Variants in ABCD2 observed in about 807,000 individuals in gnomAD.
ABCD2 encodes the protein ATP binding cassette subfamily D member 2, also known as ATP-binding cassette sub-family D member 2.
ABCD2 carries 36 observed loss-of-function variants against 70.9 expected under a neutral mutation model. The ratio of observed to expected loss-of-function variants is 0.51; its 90% confidence interval spans 0.39 to 0.67. ABCD2 has a LOEUF of 0.67. Among genes scored for constraint, ABCD2 ranks in the 30% least tolerant of loss-of-function variants. The probability of loss-of-function intolerance (pLI) is 0.00; values close to 1 mark genes in which losing one functional copy is unlikely to be tolerated. For synonymous variants in ABCD2, 304 were observed against 306.9 expected (o/e 0.99, Z 0.10); for missense variants, 729 against 890.2 (o/e 0.82, Z 2.30).
intron 6 of ABCD2, among the ~76,000 whole-genome samples, chr12:39,588,636 G>A (rs561833531): frequency 1.3e-5 from 2 of 152,090 alleles, no homozygotes; most frequent in Non-Finnish European, 2.9e-5. Flanking sequence ...TGTTCAAACC[G>A]CCAAGTGTTT....
chr12:39,609,024 T>C (rs1027037787), intron 2 of ABCD2, among the ~76,000 whole-genome samples: 3 of 152,244 alleles, frequency 2.0e-5, no homozygotes, highest in Middle Eastern at 3.2e-3. Context: ...GTTAACACTT[T>C]ACTAAAGGTT....
chr12:39,568,885 A>G (rs1379946978), intron 9 of ABCD2, among the ~76,000 whole-genome samples: 1 of 152,176 alleles, frequency 6.6e-6, no homozygotes, highest in Non-Finnish European at 1.5e-5. Flanking sequence ...AGTTTGCTAG[A>G]GGTCCACTCC....
intron 9 of ABCD2, among the ~76,000 whole-genome samples, chr12:39,566,368 G>A (rs1303400518): frequency 6.6e-6 from 1 of 152,136 alleles, no homozygotes; most frequent in Non-Finnish European, 1.5e-5. Flanking sequence ...GAGGTTGTTT[G>A]TGTCGAGGAA....
chr12:39,614,975 T>C (rs1279395140), intron 2 of ABCD2, among the ~76,000 whole-genome samples: 2 of 152,082 alleles, frequency 1.3e-5, no homozygotes, highest in Non-Finnish European at 2.9e-5. Context: ...TTTGTTTCAC[T>C]TGCCTCAATG....
chr12:39,569,780 T>A (rs749356101), intron 9 of ABCD2, among the ~76,000 whole-genome samples: 1 of 152,206 alleles, frequency 6.6e-6, no homozygotes, highest in Non-Finnish European at 1.5e-5. Context: ...CTCCCCCAGA[T>A]AACATGTTCT....
chr12:39,549,939 G>C (rs942237566), downstream of ABCD2: 1 of 151,642 alleles, frequency 6.6e-6, no homozygotes, highest in African/African-American at 2.4e-5. Flanking sequence ...AATGATTTGT[G>C]CCTACTTGGT....
At chr12:39,545,290 C>T (rs1200958159), downstream of ABCD2, among the ~76,000 whole-genome samples, 1 of 152,142 alleles carries the variant, frequency 6.6e-6, no homozygotes, top group Admixed American at 6.5e-5. Flanking sequence ...CATGAGGAAT[C>T]TCAGGTAAGA....
At chr12:39,560,181 C>T (rs867946188) in intron 9 of ABCD2, among the ~76,000 whole-genome samples, 1 of 152,090 alleles carries the variant, frequency 6.6e-6, no homozygotes, top group Admixed American at 6.5e-5. Context: ...CCACAACAGG[C>T]CCCGGTGTGT....
chr12:39,558,618 C>T (rs1941205497), intron 9 of ABCD2, among the ~76,000 whole-genome samples: 2 of 152,090 alleles, frequency 1.3e-5, no homozygotes, highest in Admixed American at 6.5e-5. Flanking sequence ...TTTGTAGTTC[C>T]TCCTGAGTTC....
chr12:39,614,805 C>A lies in ABCD2; in HGVS notation c.1120+2183G>T, dbSNP rs530424024. Among the ~76,000 whole-genome samples the A allele has an allele frequency of 7.2e-5, 11 of 152,156 alleles. No homozygotes were observed. In the East Asian group the frequency reaches 2.1e-3, roughly 29 times the overall value. ...TTTAGTAAATACATACATATACCTGCAAACATTACAGGCACAGATAGTAAC... is the reference window on the plus strand; with the variant it reads ...TTTAGTAAATACATACATATACCTGAAAACATTACAGGCACAGATAGTAAC... On this transcript the variant is annotated intron_variant, in intron 2 of 9. Transcript: ENST00000308666.
chr12:39,563,729 A>T (rs530635977), intron 9 of ABCD2, among the ~76,000 whole-genome samples: 38 of 152,148 alleles, frequency 2.5e-4, no homozygotes, highest in Non-Finnish European at 4.9e-4. Context: ...GCACCCATTA[A>T]CTCATCATTT....
intron 9 of ABCD2, among the ~76,000 whole-genome samples, chr12:39,562,783 G>A (rs1023889635): frequency 6.6e-6 from 1 of 152,054 alleles, no homozygotes; most frequent in African/African-American, 2.4e-5. Flanking sequence ...AATTGAAGAG[G>A]AAGGAATACA....
chr12:39,583,995 A>G (rs1941632175), intron 7 of ABCD2, among the ~76,000 whole-genome samples: 1 of 152,100 alleles, frequency 6.6e-6, no homozygotes, highest in Admixed American at 6.5e-5. Flanking sequence ...ATTTGTGTGC[A>G]TATGTCTTTG....
intron 9 of ABCD2, among the ~76,000 whole-genome samples, chr12:39,567,282 C>G (rs571289334): frequency 1.7e-3 from 266 of 152,256 alleles, no homozygotes; most frequent in African/African-American, 5.7e-3. Flanking sequence ...CTTTCTAGGT[C>G]TCTGAGGACT....
chr12:39,548,285 T>C (rs1308003026), downstream of ABCD2, among the ~76,000 whole-genome samples: 4 of 152,050 alleles, frequency 2.6e-5, no homozygotes, highest in African/African-American at 9.7e-5. Flanking sequence ...GTTTGGCAGG[T>C]TAGGTATATT....
intron 6 of ABCD2, among the ~76,000 whole-genome samples, chr12:39,586,596 T>G (rs946201780): frequency 6.6e-6 from 1 of 152,188 alleles, no homozygotes; most frequent in African/African-American, 2.4e-5. Context: ...GGTCTTGATA[T>G]GTTTTCCCAG....
At chr12:39,537,470 T>G in the ABCD2 span, among the ~76,000 whole-genome samples, 4 of 152,392 alleles carry the variant, frequency 2.6e-5, no homozygotes, top group South Asian at 8.3e-4. Flanking sequence ...TAACTCATTT[T>G]AAATCTAGGA....
chr12:39,586,343 AACTT>A, intron 6 of ABCD2, 46 bp from the exon 7 acceptor site: 1 of 1,578,072 alleles, frequency 6.3e-7, no homozygotes, highest in Non-Finnish European at 8.6e-7. Flanking sequence ...AAGTCATGAT[AACTT>A]ACTCAGTGTG....
intron 6 of ABCD2, among the ~76,000 whole-genome samples, chr12:39,591,755 TATTGCTAAGCTGTTAAAAATGCA>T (rs1941749416): frequency 1.3e-5 from 2 of 152,248 alleles, no homozygotes; most frequent in East Asian, 3.9e-4. Flanking sequence ...AGAATTAAAG[TATTGCTAAGCTGTTAAAAATGCA>T]AATTTCTGTA....
Sources: allele counts gnomAD v4.1 joint callset (sites outside exome capture counted in the v4.1 genomes callset), GRCh38; gene constraint gnomAD v4.1.1; transcripts MANE v1.5; gene names NCBI Gene and HGNC (gene_info 2026-07-23, HGNC 2026-07-21).